FGR: variants seen among roughly 807,000 people sequenced by gnomAD.
The protein encoded by FGR is FGR proto-oncogene, Src family tyrosine kinase, also known as tyrosine-protein kinase Fgr.
A neutral mutation model predicts 63.2 loss-of-function variants in FGR; 26 were observed. The ratio of observed to expected loss-of-function variants is 0.41; its 90% CI spans 0.30 to 0.57. FGR has a LOEUF of 0.57. FGR is among the 20% of genes least tolerant of loss of function. FGR has a pLI of 0.27. For missense variants in FGR, 511 were observed against 690.8 expected, an observed-to-expected ratio of 0.74 and a Z score of 2.92; for synonymous variants, 286 against 277.7, an observed-to-expected ratio of 1.03 and a Z score of -0.30.
At position 27,615,796 on chromosome 1, in the gene FGR, A is replaced by G. The variant is rs769552626; in HGVS notation, c.731T>C (p.Met244Thr). 4.4e-6 allele frequency: 7 copies of G among 1,600,894 alleles called. No homozygotes were observed. Among genetic ancestry groups the G allele is most frequent in the South Asian group, 1.1e-5 (1 of 88,970 alleles). Reference protein sequence around the residue: ...CNLLIAPCTIMKPQTLGLAKD... With the variant: ...CNLLIAPCTITKPQTLGLAKD... ...GGCCAGGCCCAGCGTCTGCGGCTTC[A>G]TGATGGTGCAGGGCGCGATGAGCAG... The change falls in exon 8 of 13, where the codon ATG becomes ACG. Residue 244 changes from methionine (M) to threonine (T), a missense_variant. Physicochemically the swap from Met to Thr is moderately conservative, Grantham distance 81 (BLOSUM62 -1). Coordinates refer to ENST00000374005, the MANE Select transcript of FGR (RefSeq NM_005248.3). The surrounding 1 kb of genome is among the most constrained non-coding windows in gnomAD (Gnocchi z 7.6).
In FGR at chr1:27,616,784, T is replaced by G; in HGVS notation, c.682+73A>C. On this transcript the variant is annotated intron_variant, in intron 7 of 12. Transcript: ENST00000374005. The surrounding 1 kb of genome is among the most constrained non-coding windows in gnomAD (Gnocchi z 4.3). ...TACTGCTTGGTAGTCCCTTCCCTTC[T>G]CTGGGCCTCAGTTCCCCCATCTGGA... The G allele has an allele frequency of 6.5e-7, 1 of 1,540,066 alleles. No homozygotes were observed. Among genetic ancestry groups the G allele is most frequent in the South Asian group, 1.1e-5 (1 of 89,140 alleles).
Position 27,621,658 on chromosome 1 carries a change from C to G in FGR, c.330-1G>C. ...CCGAGCCTCCCACCAGTCACCTTCA[C>G]TGTAGGCACAGAACAGGGCATGGTC... On this transcript the variant is annotated splice_acceptor_variant, in intron 4 of 12. Transcript: ENST00000374005. LOFTEE classifies it high-confidence loss of function. The G allele has an allele frequency of 1.2e-6, 2 of 1,612,994 alleles. No individual in the cohort carries two copies. Among genetic ancestry groups the G allele is most frequent in the Non-Finnish European group, 1.7e-6 (2 of 1,179,022 alleles).
intron 1 of FGR, among the ~76,000 whole-genome samples, chr1:27,632,152 T>C (rs950021921): frequency 1.1e-4 from 16 of 149,868 alleles, no homozygotes; most frequent in Non-Finnish European, 4.4e-5. Context: ...TTTTTTTTTT[T>C]TTGAAACAGT....
Position 27,623,802 on chromosome 1 carries a change from T to A in FGR, c.115A>T (p.Thr39Ser). 6.2e-7 allele frequency: 1 copy of A among 1,614,204 alleles called. No homozygotes were observed. The highest frequency in any genetic ancestry group is 1.1e-5 in the South Asian group (1 of 91,080). The change falls in exon 3 of 13, where the codon ACT (threonine) becomes TCT (serine). Residue 39 changes from threonine to serine, a missense_variant. By Grantham distance (58) the Thr-to-Ser change is moderately conservative (BLOSUM62 1). Transcript: ENST00000374005. ...AATGAGGATGCAGGCCGGGCCTTAG[T>A]GGGGTCAGGCCCATAGTGGTCTGCT... ...GAADHYGPDP[T>S]KARPASSFAH...
intron 11 of FGR, 30 bp from the exon 12 acceptor site, chr1:27,613,380 A>T (rs1399987775): frequency 5.6e-6 from 9 of 1,610,238 alleles, no homozygotes; most frequent in Non-Finnish European, 7.6e-6. Flanking sequence ...AGGGAAAGTT[A>T]GTGAGGGGGT....
chr1:27,621,492 G>T, intron 5 of FGR, 67 bp downstream of exon 5: 1 of 1,092,332 alleles, frequency 9.2e-7, no homozygotes, highest in Non-Finnish European at 1.4e-6. Flanking sequence ...TTGTCCAAGA[G>T]GTGGCCTTGG....
rs1473462454 is a variant in FGR at position 27,612,746 on chromosome 1, C to T, written c.*168G>A. On this transcript the variant is annotated 3_prime_UTR_variant, in exon 13 of 13. Coordinates refer to ENST00000374005, the MANE Select transcript of FGR (RefSeq NM_005248.3). ...GATCAGCTCTGGGCCTCCTTTTGCC[C>T]CATCTGTAAAACAAGTAGGTTGCCC... The T allele has an allele frequency of 3.2e-6, 2 of 624,454 alleles. No homozygotes were observed. The highest frequency in any genetic ancestry group is 4.3e-4 in the Middle Eastern group (1 of 2,304). The allele number at this position is 624,454 out of a possible 1,614,324, so 38.7% of individuals were successfully genotyped here.
intron 2 of FGR, 150 bp downstream of exon 2, chr1:27,624,939 C>T (rs2089995098): frequency 1.3e-5 from 2 of 152,508 alleles, no homozygotes; most frequent in Admixed American, 1.3e-4. Flanking sequence ...CAGCCTTCAG[C>T]CTCTCAAGCT....
intron 5 of FGR, among the ~76,000 whole-genome samples, chr1:27,618,571 T>C (rs1043330249): frequency 2.6e-5 from 4 of 151,886 alleles, no homozygotes; most frequent in Non-Finnish European, 4.4e-5. Flanking sequence ...AGCATGAAGC[T>C]CCCCACAAAC....
rs1275340179 is a variant in FGR at position 27,621,553 on chromosome 1, A to G, written c.428+6T>C. 3 of 1,609,612 alleles carry G rather than the reference A, an allele frequency of 1.9e-6. No individual in the cohort carries two copies. Among genetic ancestry groups the G allele is most frequent in the African/African-American group, 1.3e-5 (1 of 74,772 alleles). ...TAGGGCTGGTCTTGCCCCAATCCCT[A>G]CTTACTCTTCAGCTTGGATTGAGTC... is the stretch of plus-strand genomic sequence containing the variant. On this transcript the variant is annotated splice_donor_region_variant and intron_variant, in intron 5 of 12. Transcript: ENST00000374005.
chr1:27,629,619 C>G (rs1222431488), intron 1 of FGR, among the ~76,000 whole-genome samples: 2 of 152,210 alleles, frequency 1.3e-5, no homozygotes, highest in South Asian at 2.1e-4. Flanking sequence ...TCCTCTTGCT[C>G]TGATCTCTAT....
At chr1:27,618,409 A>G (rs543408594) in intron 5 of FGR, among the ~76,000 whole-genome samples, 1 of 152,266 alleles carries the variant, frequency 6.6e-6, no homozygotes, top group East Asian at 1.9e-4. Context: ...CTATTGTTAA[A>G]CCCCATTAGA....
chr1:27,612,616 C>T lies in FGR; in HGVS notation c.*298G>A, dbSNP rs1349172052. ...ACATACAGTTTTATAAATAACTAGA[C>T]AAGGTCTGAGCACTTTGGGTGGGGA... is the stretch of plus-strand genomic sequence containing the variant. On this transcript the variant is annotated 3_prime_UTR_variant, in exon 13 of 13. Transcript: ENST00000374005. 1 of 362,380 alleles carries T rather than the reference C, an allele frequency of 2.8e-6. No individual in the cohort carries two copies. Among genetic ancestry groups the T allele is most frequent in the Non-Finnish European group, 5.1e-6 (1 of 196,752 alleles). 22.4% of individuals were successfully genotyped at this position (362,380 alleles called of 1,614,324 possible).
At position 27,615,554 on chromosome 1, in the gene FGR, G is replaced by C. The variant is rs765844880; in HGVS notation, c.898C>G (p.Pro300Ala). ...TGCGCCTCCTCCAGGAAGGCCTTCG[G>C]GGACATGGTGCCCGGCTTCAGCGTC... is the stretch of plus-strand genomic sequence containing the variant. ...VKTLKPGTMS[P>A]KAFLEEAQVM... is the part of the protein sequence containing the mutation. The change falls in exon 9 of 13, where the codon CCG becomes GCG. Residue 300 changes from proline (P) to alanine (A), a missense_variant. Pro to Ala is a conservative substitution (Grantham distance 27, BLOSUM62 -1). Coordinates refer to ENST00000374005, the MANE Select transcript of FGR (RefSeq NM_005248.3). This position sits in a 1 kb window ranked among gnomAD's most constrained non-coding sequence, Gnocchi z 7.6. 2 of 1,613,878 alleles carry C rather than the reference G, an allele frequency of 1.2e-6. No homozygotes were observed. The highest frequency in any genetic ancestry group is 1.1e-5 in the South Asian group (1 of 91,080).
At chr1:27,627,465 C>T (rs1008748281) in intron 1 of FGR, among the ~76,000 whole-genome samples, 1 of 152,064 alleles carries the variant, frequency 6.6e-6, no homozygotes, top group Non-Finnish European at 1.5e-5. Flanking sequence ...CACACACACA[C>T]ACACACACAC....
chr1:27,614,824 G>A, intron 10 of FGR, 26 bp downstream of exon 10: 1 of 1,563,884 alleles, frequency 6.4e-7, no homozygotes, highest in Non-Finnish European at 8.7e-7. Flanking sequence ...GGAGGTCCGG[G>A]AGGTAAAGGC....
At position 27,623,301 on chromosome 1, in the gene FGR, TGGTCTCCACAGCTTA is replaced by T. The variant is rs2148528647; in HGVS notation, c.227-172_227-158del. On this transcript the variant is annotated intron_variant, in intron 3 of 12. Transcript: ENST00000374005. ...TTTGGGGTCCAAGGAATTTCTGATT[TGGTCTCCACAGCTTA>T]GGACACACAACTTCAAGCCCATTCC... is the stretch of plus-strand genomic sequence containing the variant. 4.8e-6 allele frequency: 3 copies of T among 624,920 alleles called. No homozygotes were observed. In the East Asian group the frequency reaches 8.2e-5, roughly 17 times the overall value. 38.7% of individuals were successfully genotyped at this position (624,920 alleles called of 1,614,324 possible).
At chr1:27,624,244 G>C (rs951126445) in intron 2 of FGR, among the ~76,000 whole-genome samples, 21 of 151,932 alleles carry the variant, frequency 1.4e-4, no homozygotes, top group African/African-American at 4.8e-4. Flanking sequence ...TGCTTTTTTT[G>C]TTTTGTTTTG....
chr1:27,630,549 G>C (rs1457319644), intron 1 of FGR, among the ~76,000 whole-genome samples: 1 of 151,690 alleles, frequency 6.6e-6, no homozygotes, highest in Non-Finnish European at 1.5e-5. Context: ...TGATACAGCA[G>C]GCAGGGCGCA....
Sources: allele counts gnomAD v4.1 joint callset (sites outside exome capture counted in the v4.1 genomes callset), GRCh38; gene constraint gnomAD v4.1.1; non-coding constraint Gnocchi (gnomAD v3.1); transcripts MANE v1.5; gene names NCBI Gene and HGNC (gene_info 2026-07-23, HGNC 2026-07-21).